FCSK: variants seen among roughly 807,000 people sequenced by gnomAD.
FCSK encodes L-fucose kinase.
A neutral mutation model predicts 122.5 loss-of-function variants in FCSK; 123 were observed. The observed-to-expected ratio is 1.00, with a 90% CI of 0.87 to 1.17. The LOEUF (loss-of-function observed/expected upper bound fraction) is 1.17, where lower values mean the gene tolerates loss of function less well. FCSK is among the 50% of genes most tolerant of loss of function. The pLI is 0.00. For missense variants in FCSK, 1,366 were observed against 1,450.4 expected (o/e 0.94, Z 0.95); for synonymous variants, 620 against 625.5 (o/e 0.99, Z 0.13).
intron 10 of FCSK, 76 bp from the exon 11 acceptor site, chr16:70,470,236 GTC>G (rs2048567388): frequency 1.1e-6 from 1 of 944,476 alleles, no homozygotes; most frequent in Non-Finnish European, 1.7e-6. Context: ...GCCCCCATGT[GTC>G]TCTGCTGCTG....
chr16:70,475,521 A>T, intron 19 of FCSK, 28 bp downstream of exon 19: 2 of 1,599,388 alleles, frequency 1.3e-6, no homozygotes, highest in East Asian at 4.5e-5. Flanking sequence ...CCTGCTACCC[A>T]CCGACTGTTA....
chr16:70,474,459 C>A, intron 16 of FCSK, 69 bp from the exon 17 acceptor site: 1 of 1,545,826 alleles, frequency 6.5e-7, no homozygotes, highest in Non-Finnish European at 8.7e-7. Flanking sequence ...ACAGTCAGGT[C>A]CCCAAAGCCA....
chr16:70,474,841 T>G lies in FCSK; in HGVS notation c.2207T>G (p.Leu736Arg). Reference sequence around the variant, plus strand: ...GCCTATGAGCTTGGCGGGGCTGTGCTGGGCCTGGCTGTGCGAGTGGACGGC... The same window carrying G: ...GCCTATGAGCTTGGCGGGGCTGTGCGGGGCCTGGCTGTGCGAGTGGACGGC... ...PLAYELGGAV[L>R]GLAVRVDGRR... Residue 736 changes from leucine to arginine, a missense_variant, in exon 18 of 24, where the codon CTG (leucine) becomes CGG (arginine). Leu to Arg is a moderately radical substitution (Grantham distance 102). Coordinates refer to ENST00000288078, the MANE Select transcript of FCSK (RefSeq NM_145059.3). 6.3e-7 allele frequency: 1 copy of G among 1,595,122 alleles called. No homozygotes were observed. Among genetic ancestry groups the G allele is most frequent in the Non-Finnish European group, 8.5e-7 (1 of 1,171,972 alleles).
intron 20 of FCSK, chr16:70,476,136 G>C (rs1377045954): frequency 6.3e-6 from 1 of 159,342 alleles, no homozygotes; most frequent in Non-Finnish European, 1.4e-5. Flanking sequence ...CCGAGTAGCT[G>C]GGACTACAGG....
chr16:70,467,337 AG>A, intron 6 of FCSK, 36 bp from the exon 7 acceptor site: 1 of 1,469,276 alleles, frequency 6.8e-7, no homozygotes, highest in Non-Finnish European at 9.4e-7. Context: ...CCTTGGGTGG[AG>A]GCCCCTGGGA....
At position 70,475,698 on chromosome 16, in the gene FCSK, G is replaced by T. The variant is rs17884050; in HGVS notation, c.2572G>T (p.Ala858Ser). ...TGCCCTGGCTGCCTTGCAGCGAGCC[G>T]CAGGCCGGGTGGTGGGCACGGAAGC... Reference protein sequence around the residue: ...GTALAALQRAAGRVVGTEALI... With the variant: ...GTALAALQRASGRVVGTEALI... The change falls in exon 20 of 24, where the codon GCA becomes TCA. Residue 858 changes from alanine to serine, a missense_variant. Transcript: ENST00000288078. The T allele has an allele frequency of 5.0e-6, 8 of 1,601,590 alleles. No individual in the cohort carries two copies. Among genetic ancestry groups the T allele is most frequent in the Non-Finnish European group, 6.8e-6 (8 of 1,174,490 alleles).
At chr16:70,475,317 C>T (rs763709661) in intron 18 of FCSK, 33 bp from the exon 19 acceptor site, 2 of 1,605,374 alleles carry the variant, frequency 1.2e-6, no homozygotes, top group East Asian at 2.2e-5. Flanking sequence ...CCCATCGAGA[C>T]TGAATTCCTT....
chr16:70,471,042 TG>T lies in FCSK; in HGVS notation c.1143del (p.Ser382AlafsTer14). 6.2e-7 allele frequency: 1 copy of T among 1,603,234 alleles called. No individual in the cohort carries two copies. On this transcript the variant is annotated frameshift_variant, in exon 12 of 24. Transcript: ENST00000288078. LOFTEE classifies it high-confidence loss of function. ...TGGAGGGCCCTGTCCAGCTGGGTCC[TG>T]GGAGCGTCCTGCAGCACTGCCACCT... ...LLEGPVQLGPGSVLQHCHLQG... is the reference protein window; with the variant it reads ...LLEGPVQLGPXSVLQHCHLQG...
chr16:70,467,012 G>T, intron 6 of FCSK, 58 bp downstream of exon 6: 1 of 1,519,360 alleles, frequency 6.6e-7, no homozygotes. Context: ...CAAGAAGCCA[G>T]CTCTGCCCTT....
intron 1 of FCSK, among the ~76,000 whole-genome samples, chr16:70,459,073 C>T (rs1178393430): frequency 6.6e-6 from 1 of 151,554 alleles, no homozygotes; most frequent in Non-Finnish European, 1.5e-5. Context: ...CAGTGAAAAC[C>T]TTAGCTAGGC....
Position 70,466,144 on chromosome 16 carries a change from C to G in FCSK, c.298C>G (p.Pro100Ala). Residue 100 changes from proline to alanine, a missense_variant, in exon 5 of 24, where the codon CCC becomes GCC. By Grantham distance (27) the Pro-to-Ala change is conservative. Transcript: ENST00000288078. ...CCCCGACTTCCAGGGTCGAGACTTC[C>G]CCTTTGATGACTGTGGCAGGGCTTT... ...ILILHMGRDF[P>A]FDDCGRAFTC... 1.2e-6 allele frequency: 2 copies of G among 1,613,934 alleles called. No homozygotes were observed. Among genetic ancestry groups the G allele is most frequent in the Non-Finnish European group, 1.7e-6 (2 of 1,179,886 alleles).
chr16:70,475,060 C>T (rs766910407), intron 18 of FCSK, 49 bp downstream of exon 18: 14 of 1,504,680 alleles, frequency 9.3e-6, no homozygotes, highest in East Asian at 4.9e-5. Context: ...GCTGGGGGCT[C>T]GGGGCAGAAG....
chr16:70,466,321 C>A, intron 5 of FCSK, 64 bp downstream of exon 5: 2 of 1,595,752 alleles, frequency 1.3e-6, no homozygotes, highest in Admixed American at 3.4e-5. Flanking sequence ...CCCACTGTTC[C>A]CCCAGGTATG....
At chr16:70,476,883 C>A (rs2048834803) in intron 20 of FCSK, among the ~76,000 whole-genome samples, 2 of 152,200 alleles carry the variant, frequency 1.3e-5, no homozygotes, top group Admixed American at 6.5e-5. Flanking sequence ...TGTGGGGCCC[C>A]AGGGATAAAA....
chr16:70,455,436 G>A (rs1189119654), intron 1 of FCSK, among the ~76,000 whole-genome samples: 1 of 151,962 alleles, frequency 6.6e-6, no homozygotes, highest in Non-Finnish European at 1.5e-5. Flanking sequence ...AGTGAGCCAA[G>A]ATCACGCCAC....
At chr16:70,469,919 A>T (rs1010088383) in intron 10 of FCSK, among the ~76,000 whole-genome samples, 8 of 150,196 alleles carry the variant, frequency 5.3e-5, no homozygotes, top group African/African-American at 1.7e-4. Flanking sequence ...ATTTCGGCTC[A>T]CTGCAACCTC....
At position 70,479,835 on chromosome 16, in the gene FCSK, T is replaced by A. The variant is rs1477682004; in HGVS notation, c.*155T>A. The A allele has an allele frequency of 6.6e-6, 4 of 605,960 alleles. No individual in the cohort carries two copies. Among genetic ancestry groups the A allele is most frequent in the Non-Finnish European group, 1.2e-5 (4 of 343,292 alleles). 37.5% of individuals were successfully genotyped at this position (605,960 alleles called of 1,614,324 possible). A position where few individuals can be genotyped will look rare whatever the true frequency, so the allele number is the denominator to read the frequency against. On this transcript the variant is annotated 3_prime_UTR_variant, in exon 24 of 24. Coordinates refer to ENST00000288078, the MANE Select transcript of FCSK (RefSeq NM_145059.3). ...GAGCAAGATCTGGGCAAGCAGAGAG[T>A]GCCTGGGACAGGACTGTGACCTGGT... is the stretch of plus-strand genomic sequence containing the variant.
chr16:70,462,170 G>C (rs1316323198), intron 1 of FCSK: 1 of 152,100 alleles, frequency 6.6e-6, no homozygotes, highest in Non-Finnish European at 1.5e-5. Flanking sequence ...GTTTTGTTTT[G>C]AGGGTCTTGC....
rs1031791041 is a variant in FCSK at position 70,471,015 on chromosome 16, G to T, written c.1113G>T (p.Leu371=). ...LAAGSSVVSC[L]LEGPVQLGPG... ...CCGGGAGCTCTGTGGTCAGCTGCCT[G>T]CTGGAGGGCCCTGTCCAGCTGGGTC... The change falls in exon 12 of 24, where the codon CTG becomes CTT. Residue 371 remains leucine, a synonymous_variant. Coordinates refer to ENST00000288078, the MANE Select transcript of FCSK (RefSeq NM_145059.3). 1 of 1,602,210 alleles carries T rather than the reference G, an allele frequency of 6.2e-7. No individual in the cohort carries two copies. The highest frequency in any genetic ancestry group is 2.2e-5 in the East Asian group (1 of 44,668).
Sources: allele counts gnomAD v4.1 joint callset (sites outside exome capture counted in the v4.1 genomes callset), GRCh38; gene constraint gnomAD v4.1.1; transcripts MANE v1.5; gene names NCBI Gene and HGNC (gene_info 2026-07-23, HGNC 2026-07-21).